The following GMDS variants were observed in gnomAD, a reference collection of about 807,000 sequenced individuals.
GMDS encodes the protein GDP-mannose 4,6-dehydratase.
Under a neutral mutation model 49.9 loss-of-function variants are expected in GMDS, and 20 were observed. The observed-to-expected ratio is 0.40, with a 90% CI of 0.28 to 0.58. The LOEUF (loss-of-function observed/expected upper bound fraction) is 0.58. Ranked by LOEUF, GMDS falls within the 20% of genes least tolerant of loss-of-function variation. The pLI, the probability that GMDS is intolerant of heterozygous loss-of-function variation, is 0.42. For missense variants in GMDS, 362 were observed against 481.4 expected, an observed-to-expected ratio of 0.75 and a Z score of 2.32; for synonymous variants, 177 against 178.6, an observed-to-expected ratio of 0.99 and a Z score of 0.07.
At chr6:2,181,121 G>A (rs1778501722) in intron 1 of GMDS, among the ~76,000 whole-genome samples, 1 of 137,466 alleles carries the variant, frequency 7.3e-6, no homozygotes, top group Admixed American at 7.5e-5. Context: ...CTTGCAGTGA[G>A]CCGAGATCAC....
chr6:1,666,473 G>A (rs1395618083), intron 9 of GMDS, among the ~76,000 whole-genome samples: 2 of 152,178 alleles, frequency 1.3e-5, no homozygotes, highest in Non-Finnish European at 2.9e-5. Context: ...ATCCCTACCT[G>A]TTTGTCTACC....
intron 6 of GMDS, among the ~76,000 whole-genome samples, chr6:1,937,208 C>T (rs1161347656): frequency 6.6e-6 from 1 of 152,154 alleles, no homozygotes; most frequent in African/African-American, 2.4e-5. Flanking sequence ...CACACAATGA[C>T]ACTGCCTAAT....
intron 4 of GMDS, among the ~76,000 whole-genome samples, chr6:2,065,039 G>C (rs1217529776): frequency 5.9e-5 from 9 of 152,140 alleles, no homozygotes; most frequent in Non-Finnish European, 1.2e-4. Flanking sequence ...CAGCTTTGAA[G>C]AGAGCAGTGG....
chr6:2,145,667 AC>A (rs1293540636), intron 1 of GMDS, among the ~76,000 whole-genome samples: 2 of 152,226 alleles, frequency 1.3e-5, no homozygotes, highest in Admixed American at 1.3e-4. Context: ...CAATAAAAAA[AC>A]AGCAATGCCA....
chr6:2,022,026 G>A (rs1455748665), intron 4 of GMDS, among the ~76,000 whole-genome samples: 1 of 152,174 alleles, frequency 6.6e-6, no homozygotes, highest in East Asian at 1.9e-4. Context: ...TGGACTTGAG[G>A]ATGAGGGAAT....
At chr6:2,100,304 C>T (rs897376879) in intron 4 of GMDS, among the ~76,000 whole-genome samples, 3 of 151,960 alleles carry the variant, frequency 2.0e-5, no homozygotes, top group Admixed American at 2.0e-4. Flanking sequence ...ATAGTGAAAT[C>T]GTCATTCCAT....
At chr6:1,686,111 T>C (rs1000245284) in intron 9 of GMDS, among the ~76,000 whole-genome samples, 4 of 152,222 alleles carry the variant, frequency 2.6e-5, no homozygotes, top group African/African-American at 9.6e-5. Flanking sequence ...GCGAAGTCTG[T>C]AGCCCTCATT....
At chr6:2,123,074 T>G (rs1775228587) in intron 2 of GMDS, among the ~76,000 whole-genome samples, 1 of 152,264 alleles carries the variant, frequency 6.6e-6, no homozygotes. Flanking sequence ...TCTTCTGAAG[T>G]CTGCTAGTTC....
intron 4 of GMDS, among the ~76,000 whole-genome samples, chr6:2,105,440 C>A (rs765572610): frequency 1.6e-4 from 25 of 152,138 alleles, no homozygotes; most frequent in Non-Finnish European, 3.7e-4. Context: ...ACTGACCATA[C>A]TGGCTCTGAA....
At chr6:2,151,538 C>T (rs544397450) in intron 1 of GMDS, among the ~76,000 whole-genome samples, 1 of 151,960 alleles carries the variant, frequency 6.6e-6, no homozygotes, top group African/African-American at 2.4e-5. Context: ...AAGGTAAATT[C>T]TTGTAATCAG....
At chr6:1,744,883 G>C (rs879256880) in intron 7 of GMDS, among the ~76,000 whole-genome samples, 4 of 152,256 alleles carry the variant, frequency 2.6e-5, no homozygotes, top group Non-Finnish European at 5.9e-5. Flanking sequence ...TGGCTTCACC[G>C]GGATCGGGCC....
chr6:2,019,056 T>C (rs145331812), intron 4 of GMDS, among the ~76,000 whole-genome samples: 145 of 151,988 alleles, frequency 9.5e-4, no homozygotes, highest in African/African-American at 3.4e-3. Context: ...CTCACTGTGG[T>C]CTTGATTTGC....
chr6:2,167,834 A>G (rs1041860212), intron 1 of GMDS, among the ~76,000 whole-genome samples: 3 of 152,168 alleles, frequency 2.0e-5, no homozygotes, highest in Admixed American at 6.5e-5. Flanking sequence ...AATCGTATAT[A>G]TATACTGGTA....
chr6:1,852,633 T>G (rs187342311), intron 7 of GMDS, among the ~76,000 whole-genome samples: 1 of 152,296 alleles, frequency 6.6e-6, no homozygotes, highest in East Asian at 1.9e-4. Context: ...TTTTTTTCTC[T>G]TAATTTTGTT....
chr6:2,237,746 TCCTGGCCTCAGGTGATCTACCCA>T (rs1781430704), intron 1 of GMDS, among the ~76,000 whole-genome samples: 1 of 152,074 alleles, frequency 6.6e-6, no homozygotes, highest in Non-Finnish European at 1.5e-5. Context: ...AGTCTTGAAC[TCCTGGCCTCAGGTGATCTACCCA>T]CCTTGGCCTC....
Position 2,000,010 on chromosome 6 carries a change from T to TATATATATATTATATATATATA in GMDS, c.346-39045_346-39044insTATATATATATAATATATATAT. 9.4e-3 allele frequency among the ~76,000 whole-genome samples: 62 copies of TATATATATATTATATATATATA among 6,564 alleles called. 12 individuals are homozygous for TATATATATATTATATATATATA. Among genetic ancestry groups the TATATATATATTATATATATATA allele is most frequent in the African/African-American group, 0.017 (59 of 3,524 alleles). 4.3% of individuals were successfully genotyped at this position (6,564 alleles called of 152,430 possible). On this transcript the variant is annotated intron_variant, in intron 4 of 10. Coordinates refer to ENST00000380815, the MANE Select transcript of GMDS (RefSeq NM_001500.4). ...ATATATATATATTATATATATATAT[T>TATATATATATTATATATATATA]TTTTATATATATATATATCTATATC... is the stretch of plus-strand genomic sequence containing the variant.
rs569984196 is a variant in GMDS at position 1,738,007 on chromosome 6, GAC to G, written c.890+4459_890+4460del. On this transcript the variant is annotated intron_variant, in intron 8 of 10. Transcript: ENST00000380815. ...ACACCACAAACACACCACACACACAGACACACATACACACATACACACACCAC... is the reference window on the plus strand; with the variant it reads ...ACACCACAAACACACCACACACACAGACACATACACACATACACACACCAC... 7.7e-4 allele frequency among the ~76,000 whole-genome samples: 66 copies of G among 85,228 alleles called. 1 individual carries two copies. The East Asian group carries it at 0.022, about 29-fold the overall frequency. The allele number at this position is 85,228 out of a possible 152,430, so 55.9% of individuals were successfully genotyped here.
At chr6:1,932,797 G>A (rs1006145913) in intron 6 of GMDS, among the ~76,000 whole-genome samples, 1 of 152,034 alleles carries the variant, frequency 6.6e-6, no homozygotes, top group East Asian at 1.9e-4. Flanking sequence ...CTTGGCCTCC[G>A]AAAGCACTGG....
intron 8 of GMDS, among the ~76,000 whole-genome samples, chr6:1,733,915 G>A (rs1245689931): frequency 1.3e-5 from 2 of 152,006 alleles, no homozygotes; most frequent in Non-Finnish European, 2.9e-5. Flanking sequence ...AGCCTCTTGA[G>A]CAGGCAGAAG....
Sources: allele counts gnomAD v4.1 joint callset (sites outside exome capture counted in the v4.1 genomes callset), GRCh38; gene constraint gnomAD v4.1.1; transcripts MANE v1.5; gene names NCBI Gene and HGNC (gene_info 2026-07-23, HGNC 2026-07-21).